The following KIFAP3 variants were observed in gnomAD, a reference collection of about 807,000 sequenced individuals.
KIFAP3 encodes the protein kinesin-associated protein 3.
A neutral mutation model predicts 106.5 loss-of-function variants in KIFAP3; 68 were observed. That is an observed-to-expected ratio of 0.64 (90% CI 0.53 to 0.78). The LOEUF (loss-of-function observed/expected upper bound fraction) is 0.78, where lower values mean the gene tolerates loss of function less well. KIFAP3 is among the 30% of genes least tolerant of loss of function. KIFAP3 has a pLI of 0.00. For missense variants in KIFAP3, 780 were observed against 941.8 expected, an observed-to-expected ratio of 0.83 and a Z score of 2.25; for synonymous variants, 320 against 311.5, an observed-to-expected ratio of 1.03 and a Z score of -0.29.
At chr1:170,068,619 T>C (rs1268012162) in intron 1 of KIFAP3, 1 of 150,304 alleles carries the variant, frequency 6.7e-6, no homozygotes, top group East Asian at 1.9e-4. Context: ...AATGAGGGTA[T>C]GAAAGGAGAG....
intron 11 of KIFAP3, among the ~76,000 whole-genome samples, chr1:169,988,348 T>C (rs1394793003): frequency 6.6e-6 from 1 of 152,038 alleles, no homozygotes; most frequent in Non-Finnish European, 1.5e-5. Context: ...ATATATGTAA[T>C]TAATGAAGAT....
Position 169,976,862 on chromosome 1 carries a change from C to T in KIFAP3, c.1897+1223G>A, listed in dbSNP as rs185631419. On this transcript the variant is annotated intron_variant, in intron 16 of 19. Transcript: ENST00000361580. ...TGTCCCGAGTAGCTGGGACTACAGG[C>T]ATGCATCACCAGGCCCAGCTCATAT... Among the ~76,000 whole-genome samples, 20 of 152,152 alleles carry T rather than the reference C, an allele frequency of 1.3e-4. No homozygotes were observed. In the East Asian group the frequency reaches 3.5e-3, roughly 26 times the overall value.
chr1:169,921,415 T>G lies in KIFAP3; in HGVS notation c.*261A>C. 1 of 290,330 alleles carries G rather than the reference T, an allele frequency of 3.4e-6. No individual in the cohort carries two copies. The highest frequency in any genetic ancestry group is 1.0e-3 in the Middle Eastern group (1 of 994). The allele number at this position is 290,330 out of a possible 1,614,324, so 18.0% of individuals were successfully genotyped here. The stretch of plus-strand genomic sequence containing the variant: ...GTGTTTGTTTTCCAGTCTAGTAGCT[T>G]TTCAGCATTCAGTTTTGTGGCTCAT... On this transcript the variant is annotated 3_prime_UTR_variant, in exon 20 of 20. Coordinates refer to ENST00000361580, the MANE Select transcript of KIFAP3 (RefSeq NM_014970.4).
intron 10 of KIFAP3, among the ~76,000 whole-genome samples, chr1:170,004,261 T>C (rs1054755609): frequency 1.3e-4 from 19 of 152,000 alleles, no homozygotes; most frequent in Non-Finnish European, 1.9e-4. Flanking sequence ...GAATAAATAT[T>C]GTGAAAATGG....
At chr1:170,077,816 C>G (rs1007892200), upstream of KIFAP3, among the ~76,000 whole-genome samples, 2 of 151,914 alleles carry the variant, frequency 1.3e-5, no homozygotes. Flanking sequence ...GGCGCTGTAG[C>G]CTTTTGAATC....
At chr1:169,943,836 T>G (rs1282918256) in intron 19 of KIFAP3, among the ~76,000 whole-genome samples, 1 of 152,236 alleles carries the variant, frequency 6.6e-6, no homozygotes, top group East Asian at 1.9e-4. Context: ...ATAATTAACT[T>G]GCCAGACACA....
intron 19 of KIFAP3, among the ~76,000 whole-genome samples, chr1:169,930,028 CTCT>C (rs1288347979): frequency 1.3e-5 from 2 of 152,084 alleles, no homozygotes; most frequent in Non-Finnish European, 2.9e-5. Flanking sequence ...ATTGACTCTC[CTCT>C]AATTTCATTC....
intron 1 of KIFAP3, among the ~76,000 whole-genome samples, chr1:170,060,588 AG>A (rs1671094589): frequency 6.6e-6 from 1 of 152,240 alleles, no homozygotes; most frequent in Admixed American, 6.5e-5. Flanking sequence ...CATACCGCCT[AG>A]GTAATTTATA....
At chr1:170,002,964 C>T (rs1303099258) in intron 10 of KIFAP3, among the ~76,000 whole-genome samples, 3 of 152,092 alleles carry the variant, frequency 2.0e-5, no homozygotes, top group Admixed American at 6.6e-5. Flanking sequence ...CTTCTGAATA[C>T]GTTTAAAGAA....
chr1:169,953,911 CCT>C (rs928610166), intron 19 of KIFAP3, 98 bp downstream of exon 19: 17 of 791,652 alleles, frequency 2.1e-5, no homozygotes, highest in Admixed American at 4.0e-5. Context: ...TTTTTTCCCC[CCT>C]CTTAATGAAA....
intron 11 of KIFAP3, among the ~76,000 whole-genome samples, chr1:169,985,082 G>A (rs1666750088): frequency 6.6e-6 from 1 of 151,798 alleles, no homozygotes; most frequent in African/African-American, 2.4e-5. Flanking sequence ...AAGCATTGTT[G>A]GTGAAAGGGA....
chr1:169,978,500 G>A, intron 15 of KIFAP3, among the ~76,000 whole-genome samples: 1 of 151,882 alleles, frequency 6.6e-6, no homozygotes, highest in Middle Eastern at 3.2e-3. Context: ...GTTTTTGGTG[G>A]AAATTGAACT....
chr1:169,936,961 T>TTATA (rs58498952), intron 19 of KIFAP3, among the ~76,000 whole-genome samples: 44,501 of 145,574 alleles, frequency 0.31, 7,687 homozygotes, highest in East Asian at 0.68. Flanking sequence ...GGAATATATA[T>TTATA]TATATATATA....
intron 10 of KIFAP3, among the ~76,000 whole-genome samples, chr1:170,005,971 C>T (rs562710179): frequency 3.5e-4 from 53 of 152,236 alleles, no homozygotes; most frequent in African/African-American, 1.3e-3. Flanking sequence ...TTAGCCCCCT[C>T]GAGTCTTTCC....
At chr1:169,943,548 C>A (rs185028566) in intron 19 of KIFAP3, among the ~76,000 whole-genome samples, 7 of 152,006 alleles carry the variant, frequency 4.6e-5, no homozygotes, top group Admixed American at 1.3e-4. Context: ...GCTTATTAAC[C>A]AATTATATAC....
intron 19 of KIFAP3, among the ~76,000 whole-genome samples, chr1:169,947,615 TTAAGAG>T (rs2101828357): frequency 6.6e-6 from 1 of 152,022 alleles, no homozygotes; most frequent in Non-Finnish European, 1.5e-5. Context: ...TGTTTACATA[TTAAGAG>T]TAAGTCAACA....
At chr1:169,953,765 C>T (rs1243070562) in intron 19 of KIFAP3, among the ~76,000 whole-genome samples, 4 of 152,166 alleles carry the variant, frequency 2.6e-5, no homozygotes, top group Non-Finnish European at 5.9e-5. Context: ...CTGCCTGCCT[C>T]GGCCTCCCAA....
At chr1:170,005,494 T>C (rs2101972427) in intron 10 of KIFAP3, among the ~76,000 whole-genome samples, 1 of 152,022 alleles carries the variant, frequency 6.6e-6, no homozygotes, top group East Asian at 1.9e-4. Context: ...TAAGAAAATG[T>C]GGCACATATA....
chr1:170,054,882 G>A (rs1670764889), intron 2 of KIFAP3, among the ~76,000 whole-genome samples: 1 of 152,024 alleles, frequency 6.6e-6, no homozygotes, highest in Non-Finnish European at 1.5e-5. Context: ...ACCTAAATGA[G>A]GGGTTGATAG....
Sources: allele counts gnomAD v4.1 joint callset (sites outside exome capture counted in the v4.1 genomes callset), GRCh38; gene constraint gnomAD v4.1.1; transcripts MANE v1.5; gene names NCBI Gene and HGNC (gene_info 2026-07-23, HGNC 2026-07-21).